SNX8: variants seen among roughly 807,000 people sequenced by gnomAD.
SNX8 encodes the protein sorting nexin 8, also known as sorting nexin-8.
Under a neutral mutation model 51.6 loss-of-function variants are expected in SNX8, and 25 were observed. The observed-to-expected ratio is 0.48, with a 90% CI of 0.35 to 0.68. The LOEUF (loss-of-function observed/expected upper bound fraction) is 0.68. SNX8 is among the 30% of genes least tolerant of loss of function. The probability of loss-of-function intolerance (pLI) is 0.00; values close to 1 mark genes in which losing one functional copy is unlikely to be tolerated. For missense variants in SNX8, 695 were observed against 624.0 expected (o/e 1.11, Z -1.21); for synonymous variants, 324 against 277.0 (o/e 1.17, Z -1.68).
chr7:2,302,166 T>G (rs958375623), intron 1 of SNX8, among the ~76,000 whole-genome samples: 6 of 152,248 alleles, frequency 3.9e-5, no homozygotes, highest in Non-Finnish European at 7.3e-5. Context: ...GAAGCTGGAC[T>G]GTACTGCTGC....
intron 1 of SNX8, among the ~76,000 whole-genome samples, chr7:2,345,506 C>T (rs942575609): frequency 6.6e-6 from 1 of 151,774 alleles, no homozygotes; most frequent in African/African-American, 2.4e-5. Flanking sequence ...GGAAAAAACC[C>T]CATCTCTACT....
At chr7:2,351,634 C>T (rs1019588399) in intron 1 of SNX8, among the ~76,000 whole-genome samples, 2 of 151,758 alleles carry the variant, frequency 1.3e-5, no homozygotes, top group Non-Finnish European at 2.9e-5. Flanking sequence ...AGAGTGAGAC[C>T]ATCCTGACTA....
intron 3 of SNX8, among the ~76,000 whole-genome samples, chr7:2,272,308 T>C (rs927566219): frequency 2.6e-5 from 4 of 152,100 alleles, no homozygotes; most frequent in African/African-American, 9.7e-5. Flanking sequence ...AATCCCCTCC[T>C]GGCACTTCTC....
At position 2,322,957 on chromosome 7, in the gene SNX8, C is replaced by T. The variant is rs200133085; in HGVS notation, c.-66+31265G>A. ...ACTTGAACCTGGGAGGCAGAGGTTG[C>T]AGTAAGCCGAGATCTTGCTGCTGCA... On this transcript the variant is annotated intron_variant, in intron 1 of 5. Coordinates refer to the SNX8 transcript ENST00000435336. 2.0e-5 allele frequency among the ~76,000 whole-genome samples: 3 copies of T among 151,872 alleles called. No homozygotes were observed. The East Asian group carries it at 5.8e-4, about 29-fold the overall frequency.
At chr7:2,345,731 C>T (rs535802444) in intron 1 of SNX8, among the ~76,000 whole-genome samples, 1 of 151,246 alleles carries the variant, frequency 6.6e-6, no homozygotes, top group South Asian at 2.1e-4. Flanking sequence ...ATTTTATTTG[C>T]GTCAACATTC....
chr7:2,321,427 CTTTTTT>C (rs903598248), intron 1 of SNX8, among the ~76,000 whole-genome samples: 29 of 139,538 alleles, frequency 2.1e-4, no homozygotes, highest in African/African-American at 7.6e-4. Flanking sequence ...AATGGAATTT[CTTTTTT>C]TTTTTTTTTT....
In SNX8 at chr7:2,271,806, G is replaced by A. The variant is rs112462574; in HGVS notation, c.540+44C>T. ...AGGAAAAGGCGGGTCCGGAGGCTCGGGGACTCCCCGGGGCCGGGACATGGG... is the reference window on the plus strand; with the variant it reads ...AGGAAAAGGCGGGTCCGGAGGCTCGAGGACTCCCCGGGGCCGGGACATGGG... On this transcript the variant is annotated intron_variant, in intron 4 of 10. Coordinates refer to ENST00000222990, the MANE Select transcript of SNX8 (RefSeq NM_013321.4). 3.9e-4 allele frequency: 611 copies of A among 1,563,614 alleles called. 3 individuals are homozygous for A. In the African/African-American group the frequency reaches 7.2e-3, roughly 18 times the overall value.
chr7:2,292,328 G>A (rs1477417593), intron 1 of SNX8, among the ~76,000 whole-genome samples: 1 of 151,560 alleles, frequency 6.6e-6, no homozygotes, highest in African/African-American at 2.4e-5. Context: ...ACTGATCACA[G>A]ACCTAAATGC....
intron 7 of SNX8, among the ~76,000 whole-genome samples, chr7:2,263,009 C>T (rs1795373552): frequency 6.6e-6 from 1 of 152,274 alleles, no homozygotes; most frequent in South Asian, 2.1e-4. Flanking sequence ...ATCCCAGCTA[C>T]TCAGGAGGCT....
At chr7:2,315,597 A>C (rs1474895814), upstream of SNX8, among the ~76,000 whole-genome samples, 1 of 138,138 alleles carries the variant, frequency 7.2e-6, no homozygotes, top group East Asian at 2.2e-4. Context: ...TCATCCATTC[A>C]CTCACTCACT....
intron 1 of SNX8, among the ~76,000 whole-genome samples, chr7:2,352,165 G>A (rs1356115989): frequency 3.3e-5 from 5 of 151,870 alleles, no homozygotes; most frequent in Non-Finnish European, 7.4e-5. Context: ...GCCCACCTTG[G>A]CCTCCCAAAG....
At position 2,253,517 on chromosome 7, in the gene SNX8, AC is replaced by A. The variant is rs540508255; in HGVS notation, c.*1538del. Reference sequence around the variant, plus strand: ...CAAGACTCGGGTGGACTAGGGACTCACGGGACAGCCCACCCATCGGGCTCCA... The same window carrying A: ...CAAGACTCGGGTGGACTAGGGACTCAGGGACAGCCCACCCATCGGGCTCCA... On this transcript the variant is annotated 3_prime_UTR_variant, in exon 11 of 11. Transcript: ENST00000222990. 1.3e-5 allele frequency: 2 copies of A among 152,214 alleles called. No individual in the cohort carries two copies. The highest frequency in any genetic ancestry group is 2.9e-5 in the Non-Finnish European group (2 of 68,082). The allele number at this position is 152,214 out of a possible 1,614,324, so 9.4% of individuals were successfully genotyped here.
chr7:2,264,452 G>C lies in SNX8; in HGVS notation c.628C>G (p.Leu210Val). ...CKLATRAKDF[L>V]PADIQAQFAI... ...AACTGAGCCTGGATGTCAGCTGGGAGGAAGTCCTGACATCATGATGGGGGG... is the reference window on the plus strand; with the variant it reads ...AACTGAGCCTGGATGTCAGCTGGGACGAAGTCCTGACATCATGATGGGGGG... The change falls in exon 6 of 11, where the codon CTC becomes GTC. Residue 210 changes from leucine to valine, a missense_variant. Physicochemically the swap from Leu to Val is conservative, Grantham distance 32. Transcript: ENST00000222990. 6.2e-7 allele frequency: 1 copy of C among 1,610,456 alleles called. No homozygotes were observed. The highest frequency in any genetic ancestry group is 8.5e-7 in the Non-Finnish European group (1 of 1,179,736).
intron 1 of SNX8, among the ~76,000 whole-genome samples, chr7:2,342,883 C>CA (rs1358301492): frequency 6.6e-6 from 1 of 151,806 alleles, no homozygotes; most frequent in African/African-American, 2.4e-5. Context: ...AGTGCAGTGG[C>CA]ATGATCTCGG....
At chr7:2,335,554 G>A (rs1039746122) in intron 1 of SNX8, among the ~76,000 whole-genome samples, 7 of 152,160 alleles carry the variant, frequency 4.6e-5, no homozygotes, top group Non-Finnish European at 7.4e-5. Flanking sequence ...TGTAATCCCA[G>A]CACTTCGGGA....
intron 1 of SNX8, among the ~76,000 whole-genome samples, chr7:2,346,604 G>C (rs540964214): frequency 3.3e-5 from 5 of 151,428 alleles, no homozygotes; most frequent in Non-Finnish European, 7.4e-5. Context: ...AAATTAGCCG[G>C]GCGTGGTGGT....
chr7:2,341,520 T>C (rs1375982629), intron 1 of SNX8, among the ~76,000 whole-genome samples: 3 of 150,992 alleles, frequency 2.0e-5, no homozygotes, highest in African/African-American at 4.9e-5. Flanking sequence ...AAAAATGAAG[T>C]TGAAGGCTAG....
At chr7:2,255,405 C>A (rs1450672806) in intron 10 of SNX8, among the ~76,000 whole-genome samples, 1 of 152,204 alleles carries the variant, frequency 6.6e-6, no homozygotes, top group Non-Finnish European at 1.5e-5. Flanking sequence ...GATCCCTGCA[C>A]CCAGGACCAA....
chr7:2,278,209 A>G lies in SNX8; in HGVS notation c.191T>C (p.Leu64Pro). 1 of 1,613,262 alleles carries G rather than the reference A, an allele frequency of 6.2e-7. No homozygotes were observed. Among genetic ancestry groups the G allele is most frequent in the Non-Finnish European group, 8.5e-7 (1 of 1,179,462 alleles). The change falls in exon 2 of 11, where the codon CTG becomes CCG. Residue 64 changes from leucine to proline, a missense_variant. Leu to Pro is a moderately conservative substitution (Grantham distance 98). Transcript: ENST00000222990. ...CAGCAGCTCCTGCAGGGTGTGGGAC[A>G]GCAGCAGCGGGTTCCCCTGCGGCAT... ...MQMPQGNPLL[L>P]SHTLQELLAR...
Sources: allele counts gnomAD v4.1 joint callset (sites outside exome capture counted in the v4.1 genomes callset), GRCh38; gene constraint gnomAD v4.1.1; transcripts MANE v1.5; gene names NCBI Gene and HGNC (gene_info 2026-07-23, HGNC 2026-07-21).